SAXO1: variants seen among roughly 807,000 people sequenced by gnomAD.
The protein encoded by SAXO1 is 4930500O09Rik.
Under a neutral mutation model 17.5 loss-of-function variants are expected in SAXO1, and 21 were observed. The observed-to-expected ratio is 1.20, with a 90% CI of 0.85 to 1.72. The LOEUF (loss-of-function observed/expected upper bound fraction) is 1.72. Ranked by LOEUF, SAXO1 falls within the 40% of genes most tolerant of loss-of-function variation. The pLI, the probability that SAXO1 is intolerant of heterozygous loss-of-function variation, is 0.00. For synonymous variants in SAXO1, 274 were observed against 216.5 expected (o/e 1.27, Z -2.33); for missense variants, 843 against 596.0 (o/e 1.41, Z -4.32).
intron 3 of SAXO1, among the ~76,000 whole-genome samples, chr9:18,931,502 T>C (rs915132067): frequency 6.6e-6 from 1 of 152,232 alleles, no homozygotes; most frequent in Non-Finnish European, 1.5e-5. Flanking sequence ...TGAACATATA[T>C]TTTCATTTCT....
At chr9:19,020,889 C>G (rs1215828950) in intron 1 of SAXO1, among the ~76,000 whole-genome samples, 1 of 152,200 alleles carries the variant, frequency 6.6e-6, no homozygotes, top group Non-Finnish European at 1.5e-5. Flanking sequence ...TCTGTTGAAA[C>G]TCTTCTGGCC....
At chr9:18,985,099 C>T (rs1321419814) in intron 1 of SAXO1, among the ~76,000 whole-genome samples, 3 of 151,908 alleles carry the variant, frequency 2.0e-5, no homozygotes, top group African/African-American at 7.3e-5. Flanking sequence ...AATACTGTGT[C>T]TCAATGAATA....
chr9:18,928,862 A>G lies in SAXO1; in HGVS notation c.615T>C (p.Thr205=). The G allele has an allele frequency of 6.2e-7, 1 of 1,614,160 alleles. No individual in the cohort carries two copies. Among genetic ancestry groups the G allele is most frequent in the Non-Finnish European group, 8.5e-7 (1 of 1,180,026 alleles). ...GGGCCACATAGCTCATCTTGTAGTT[A>G]GTCACATCCTCCAAGGGGATGTTAC... ...KLCNIPLEDV[T]NYKMSYVAHP... Residue 205 remains threonine, a synonymous_variant, in exon 4 of 4, where the codon ACT becomes ACC. Transcript: ENST00000380534.
intron 1 of SAXO1, among the ~76,000 whole-genome samples, chr9:18,997,308 G>T (rs1200318119): frequency 1.3e-5 from 2 of 152,248 alleles, no homozygotes; most frequent in African/African-American, 4.8e-5. Context: ...TGCCTGGCTA[G>T]ACAGGTCACA....
Position 18,934,396 on chromosome 9 carries a change from T to C in SAXO1, c.422-5341A>G, listed in dbSNP as rs1000311796. Among the ~76,000 whole-genome samples the C allele has an allele frequency of 1.4e-4, 21 of 152,186 alleles. 1 individual carries two copies. The highest frequency in any genetic ancestry group is 5.2e-4 in the Admixed American group (8 of 15,286). ...CTGTTCTTCAGATTGGGAATCTCTA[T>C]TGAACTATCCACATTTTTGCTGATT... On this transcript the variant is annotated intron_variant, in intron 3 of 3. Transcript: ENST00000380534.
chr9:18,998,069 G>A (rs1834086483), intron 1 of SAXO1, among the ~76,000 whole-genome samples: 1 of 152,100 alleles, frequency 6.6e-6, no homozygotes, highest in Non-Finnish European at 1.5e-5. Flanking sequence ...TCCTCCAAAG[G>A]AACACAACTC....
intron 1 of SAXO1, among the ~76,000 whole-genome samples, chr9:19,045,980 G>C (rs547439498): frequency 6.6e-6 from 1 of 151,624 alleles, no homozygotes; most frequent in Non-Finnish European, 1.5e-5. Context: ...CCAGCTGCTG[G>C]AGAAGGCTGA....
At chr9:19,020,436 C>A (rs540221253) in intron 1 of SAXO1, among the ~76,000 whole-genome samples, 1 of 151,986 alleles carries the variant, frequency 6.6e-6, no homozygotes, top group East Asian at 1.9e-4. Flanking sequence ...ACTGCAACCT[C>A]CGCCTCCAAG....
At position 18,946,538 on chromosome 9, in the gene SAXO1, G is replaced by A. The variant is rs1831806370; in HGVS notation, c.218+4220C>T. 4.6e-5 allele frequency among the ~76,000 whole-genome samples: 7 copies of A among 151,740 alleles called. No homozygotes were observed. The South Asian group carries it at 1.3e-3, about 27-fold the overall frequency. Reference sequence around the variant, plus strand: ...CAAATCAGGTTACCTGCCTGCCAAAGATAAAAACACTTTTTAGAGGAATGC... The same window carrying A: ...CAAATCAGGTTACCTGCCTGCCAAAAATAAAAACACTTTTTAGAGGAATGC... On this transcript the variant is annotated intron_variant, in intron 2 of 3. Transcript: ENST00000380534.
At chr9:18,949,211 C>A (rs773956242) in intron 2 of SAXO1, among the ~76,000 whole-genome samples, 5 of 152,198 alleles carry the variant, frequency 3.3e-5, no homozygotes, top group Non-Finnish European at 7.3e-5. Flanking sequence ...ACAAACACTG[C>A]ACTTAAACCA....
chr9:19,038,204 C>A (rs550216913), upstream of SAXO1, among the ~76,000 whole-genome samples: 2 of 152,144 alleles, frequency 1.3e-5, no homozygotes, highest in Admixed American at 1.3e-4. Flanking sequence ...TGTGGCGATT[C>A]CTCAGGGATC....
intron 1 of SAXO1, among the ~76,000 whole-genome samples, chr9:19,005,703 T>A (rs1300608318): frequency 1.3e-5 from 2 of 152,148 alleles, no homozygotes; most frequent in Admixed American, 6.5e-5. Flanking sequence ...GGAAAAATCA[T>A]GACATTGGAT....
At chr9:18,950,460 A>C (rs926135535) in intron 2 of SAXO1, among the ~76,000 whole-genome samples, 1 of 152,102 alleles carries the variant, frequency 6.6e-6, no homozygotes, top group African/African-American at 2.4e-5. Flanking sequence ...TCCATCCCTT[A>C]AATATTTTTC....
intron 1 of SAXO1, among the ~76,000 whole-genome samples, chr9:18,991,546 TCACACCCTG>T: frequency 6.6e-6 from 1 of 151,944 alleles, no homozygotes; most frequent in African/African-American, 2.4e-5. Context: ...ACAGGGAACA[TCACACCCTG>T]GGGCTTGTCG....
intron 1 of SAXO1, among the ~76,000 whole-genome samples, chr9:18,987,241 C>G (rs1833628795): frequency 6.6e-6 from 1 of 152,184 alleles, no homozygotes; most frequent in African/African-American, 2.4e-5. Flanking sequence ...AACTTCAGAT[C>G]TCACCCCTTC....
At chr9:18,959,963 C>G (rs1295880816) in intron 1 of SAXO1, among the ~76,000 whole-genome samples, 1 of 152,024 alleles carries the variant, frequency 6.6e-6, no homozygotes, top group Admixed American at 6.5e-5. Flanking sequence ...ATAGCAGATG[C>G]TGATGAGAGA....
chr9:19,030,620 C>T (rs1380405675), intron 1 of SAXO1, among the ~76,000 whole-genome samples: 1 of 151,836 alleles, frequency 6.6e-6, no homozygotes, highest in African/African-American at 2.4e-5. Context: ...GCAGGAGAAT[C>T]GTTTGAACCC....
chr9:19,012,025 T>C (rs1330933322), intron 1 of SAXO1, among the ~76,000 whole-genome samples: 2 of 152,190 alleles, frequency 1.3e-5, no homozygotes, highest in African/African-American at 4.8e-5. Flanking sequence ...TTTGTATTTT[T>C]AGTAGAGACG....
chr9:18,928,456 T>C lies in SAXO1; in HGVS notation c.1021A>G (p.Lys341Glu). 1 of 1,611,064 alleles carries C rather than the reference T, an allele frequency of 6.2e-7. No individual in the cohort carries two copies. Among genetic ancestry groups the C allele is most frequent in the Non-Finnish European group, 8.5e-7 (1 of 1,178,272 alleles). The change falls in exon 4 of 4, where the codon AAG becomes GAG. Residue 341 changes from lysine (K) to glutamate (E), a missense_variant. Coordinates refer to ENST00000380534, the MANE Select transcript of SAXO1 (RefSeq NM_153707.4). The stretch of plus-strand genomic sequence containing the variant: ...CTGGACCACTGCTTGTAGTCATCCT[T>C]GGTGGTGGAAGAGCCTTCAAAGCGA... ...CGRFEGSSTT[K>E]DDYKQWSSMR... is the part of the protein sequence containing the mutation.
Sources: allele counts gnomAD v4.1 joint callset (sites outside exome capture counted in the v4.1 genomes callset), GRCh38; gene constraint gnomAD v4.1.1; transcripts MANE v1.5; gene names NCBI Gene and HGNC (gene_info 2026-07-23, HGNC 2026-07-21).